Variants in BBS12 observed in about 807,000 individuals in gnomAD.
BBS12 encodes the protein chaperonin-containing T-complex member BBS12.
In BBS12, 5 loss-of-function variants were observed where a neutral mutation model predicts 5.6. The observed-to-expected ratio is 0.89, with a 90% CI of 0.46 to 1.86. The LOEUF is 1.86. BBS12 is among the 40% of genes most tolerant of loss of function. BBS12 has a pLI of 0.01. For synonymous variants in BBS12, 308 were observed against 306.8 expected, an observed-to-expected ratio of 1.00 and a Z score of -0.04; for missense variants, 748 against 830.4, an observed-to-expected ratio of 0.90 and a Z score of 1.22.
chr4:122,715,641 C>T, the BBS12 span, among the ~76,000 whole-genome samples: 1 of 152,278 alleles, frequency 6.6e-6, no homozygotes, highest in East Asian at 1.9e-4. Context: ...CCTGGAATCA[C>T]TACTTGCATT....
At chr4:122,713,022 A>G in the BBS12 span, among the ~76,000 whole-genome samples, 4 of 152,316 alleles carry the variant, frequency 2.6e-5, no homozygotes, top group East Asian at 7.7e-4. Context: ...CAGGTTGTCC[A>G]TCATAGTATT....
chr4:122,709,097 AT>A, the BBS12 span, among the ~76,000 whole-genome samples: 3 of 151,628 alleles, frequency 2.0e-5, no homozygotes, highest in African/African-American at 7.3e-5. Context: ...ACTAATATAC[AT>A]ATAATAATCA....
the BBS12 span, among the ~76,000 whole-genome samples, chr4:122,709,855 C>T: frequency 6.6e-6 from 1 of 151,984 alleles, no homozygotes; most frequent in Non-Finnish European, 1.5e-5. Flanking sequence ...GGGATTTCAC[C>T]ACGTTGGCCA....
the BBS12 span, among the ~76,000 whole-genome samples, chr4:122,721,858 C>T: frequency 3.5e-3 from 528 of 152,246 alleles, 3 homozygotes; most frequent in African/African-American, 0.012. Flanking sequence ...TGAAGACATC[C>T]ATATTCAAGG....
At chr4:122,703,798 C>A in the BBS12 span, among the ~76,000 whole-genome samples, 1 of 152,178 alleles carries the variant, frequency 6.6e-6, no homozygotes, top group Non-Finnish European at 1.5e-5. Context: ...TCAGGAAAAT[C>A]TTGAGTCTTT....
In BBS12 at chr4:122,737,986, T is replaced by G. The variant is rs533236651; in HGVS notation, c.-10-3897T>G. Among the ~76,000 whole-genome samples, 26 of 152,306 alleles carry G rather than the reference T, an allele frequency of 1.7e-4. No individual in the cohort carries two copies. In the South Asian group the frequency reaches 5.4e-3, roughly 32 times the overall value. ...ATATCCACATGCAAAAGAATAAAGTTGGACTCCTACCTTACACTTTATATG... is the reference window on the plus strand; with the variant it reads ...ATATCCACATGCAAAAGAATAAAGTGGGACTCCTACCTTACACTTTATATG... On this transcript the variant is annotated intron_variant, in intron 1 of 1. Transcript: ENST00000314218.
chr4:122,707,910 C>T, the BBS12 span, among the ~76,000 whole-genome samples: 2 of 150,794 alleles, frequency 1.3e-5, no homozygotes, highest in African/African-American at 4.8e-5. Context: ...GCCACAGTTA[C>T]ATTCTCTTTA....
the BBS12 span, among the ~76,000 whole-genome samples, chr4:122,727,421 T>G: frequency 6.6e-6 from 1 of 151,994 alleles, no homozygotes; most frequent in South Asian, 2.1e-4. Context: ...ATATTTTTTA[T>G]TTTTAGTAGA....
At chr4:122,707,490 A>G in the BBS12 span, among the ~76,000 whole-genome samples, 1 of 152,212 alleles carries the variant, frequency 6.6e-6, no homozygotes, top group Non-Finnish European at 1.5e-5. Context: ...TTAAGACTTC[A>G]CCTTCAGATA....
At chr4:122,719,614 G>A in the BBS12 span, among the ~76,000 whole-genome samples, 348 of 152,088 alleles carry the variant, frequency 2.3e-3, no homozygotes, top group Non-Finnish European at 3.6e-3. Flanking sequence ...GAAGGTCTGC[G>A]GCGTCACTCC....
chr4:122,730,288 G>A (rs149566972), upstream of BBS12: 385 of 152,270 alleles, frequency 2.5e-3, 2 homozygotes, highest in African/African-American at 8.6e-3. Flanking sequence ...TGTGACCTAA[G>A]GTTCTCAAAA....
chr4:122,725,683 G>A, the BBS12 span, among the ~76,000 whole-genome samples: 1 of 152,180 alleles, frequency 6.6e-6, no homozygotes, highest in South Asian at 2.1e-4. Flanking sequence ...AGGATCATGA[G>A]GTCAAGAGAT....
rs770746493 is a variant in BBS12 at position 122,743,463 on chromosome 4, A to G, written c.1571A>G (p.Tyr524Cys). The change falls in exon 2 of 2, where the codon TAT (tyrosine) becomes TGT (cysteine). Residue 524 changes from tyrosine (Y) to cysteine (C), a missense_variant. Transcript: ENST00000314218. ...IKEDRFWTCA[Y>C]RLYYALKEEK... ...GAAGATAGGTTCTGGACATGTGCCT[A>G]TCGTTTGTATTATGCTCTAAAAGAG... The G allele has an allele frequency of 2.4e-5, 39 of 1,614,108 alleles. No homozygotes were observed. Among genetic ancestry groups the G allele is most frequent in the Non-Finnish European group, 3.2e-5 (38 of 1,180,046 alleles).
chr4:122,713,720 T>C, the BBS12 span, among the ~76,000 whole-genome samples: 1 of 152,228 alleles, frequency 6.6e-6, no homozygotes, highest in Non-Finnish European at 1.5e-5. Context: ...TGTGGTGTCA[T>C]GGCTGTAAAA....
the BBS12 span, among the ~76,000 whole-genome samples, chr4:122,721,372 T>C: frequency 6.6e-6 from 1 of 152,218 alleles, no homozygotes; most frequent in African/African-American, 2.4e-5. Context: ...ACAGAGCTAA[T>C]CTGTTGTAAA....
chr4:122,735,224 T>G (rs899361917), intron 1 of BBS12, among the ~76,000 whole-genome samples: 1 of 152,162 alleles, frequency 6.6e-6, no homozygotes, highest in Non-Finnish European at 1.5e-5. Context: ...TCATGAAAGA[T>G]CTATAGCATC....
At chr4:122,727,733 T>A (rs997553183), upstream of BBS12, among the ~76,000 whole-genome samples, 3 of 151,776 alleles carry the variant, frequency 2.0e-5, no homozygotes, top group African/African-American at 7.3e-5. Flanking sequence ...TTTGTATTTT[T>A]AGTAGAGACG....
At chr4:122,736,159 G>A (rs1042749440) in intron 1 of BBS12, among the ~76,000 whole-genome samples, 6 of 152,200 alleles carry the variant, frequency 3.9e-5, no homozygotes, top group African/African-American at 1.4e-4. Flanking sequence ...ACTGCAAATA[G>A]TTAGGGCATT....
intron 1 of BBS12, among the ~76,000 whole-genome samples, chr4:122,737,159 G>A (rs904975018): frequency 7.9e-5 from 12 of 152,094 alleles, no homozygotes; most frequent in Non-Finnish European, 1.8e-4. Flanking sequence ...TGTGATTTAA[G>A]CATAGTATAG....
Sources: allele counts gnomAD v4.1 joint callset (sites outside exome capture counted in the v4.1 genomes callset), GRCh38; gene constraint gnomAD v4.1.1; transcripts MANE v1.5; gene names NCBI Gene and HGNC (gene_info 2026-07-23, HGNC 2026-07-21).